The following KCTD8 variants were observed in gnomAD, a reference collection of about 807,000 sequenced individuals.
KCTD8 encodes the protein BTB/POZ domain-containing protein KCTD8.
A neutral mutation model predicts 31.5 loss-of-function variants in KCTD8; 27 were observed. The ratio of observed to expected loss-of-function variants is 0.86; its 90% CI spans 0.63 to 1.18. The LOEUF (loss-of-function observed/expected upper bound fraction) is 1.18, where lower values mean the gene tolerates loss of function less well. Ranked by LOEUF, KCTD8 falls within the 50% of genes most tolerant of loss-of-function variation. KCTD8 has a pLI of 0.00. For synonymous variants in KCTD8, 290 were observed against 280.0 expected (o/e 1.04, Z -0.36); for missense variants, 658 against 647.7 (o/e 1.02, Z -0.17).
intron 1 of KCTD8, among the ~76,000 whole-genome samples, chr4:44,291,860 C>A (rs1019709405): frequency 4.9e-5 from 7 of 144,204 alleles, no homozygotes; most frequent in African/African-American, 1.8e-4. Context: ...CAGTGGCCAA[C>A]AAATGTATGA....
In KCTD8 at chr4:44,447,634, C is replaced by T. The variant is rs921513700; in HGVS notation, c.890G>A (p.Gly297Asp). The change falls in exon 1 of 2, where the codon GGC becomes GAC. Residue 297 changes from glycine to aspartate, a missense_variant. Transcript: ENST00000360029. ...GTACTGGTTGACGAAGGCGGCGGTG[C>T]CCGAGGAGTTACACGCCACCATGTG... The part of the protein sequence containing the change: ...GFHMVACNSS[G>D]TAAFVNQYRD... 3.1e-6 allele frequency: 5 copies of T among 1,607,686 alleles called. No individual in the cohort carries two copies. The South Asian group carries it at 3.3e-5, about 11-fold the overall frequency.
At position 44,448,060 on chromosome 4, in the gene KCTD8, G is replaced by A; in HGVS notation, c.464C>T (p.Ser155Phe). Reference protein sequence around the residue: ...LLSPKVTKQNSLNDEGCQSDL... With the variant: ...LLSPKVTKQNFLNDEGCQSDL... ...GCTCTGGCAGCCCTCGTCGTTGAGA[G>A]AGTTCTGCTTGGTGACCTTGGGCGA... The change falls in exon 1 of 2, where the codon TCT becomes TTT. Residue 155 changes from serine to phenylalanine, a missense_variant. By Grantham distance (155) the Ser-to-Phe change is radical. Transcript: ENST00000360029. The surrounding 1 kb of genome is among the most constrained non-coding windows in gnomAD (Gnocchi z 4.1). 1 of 1,612,262 alleles carries A rather than the reference G, an allele frequency of 6.2e-7. No individual in the cohort carries two copies. The highest frequency in any genetic ancestry group is 8.5e-7 in the Non-Finnish European group (1 of 1,179,710).
At chr4:44,270,766 C>T (rs534187038) in intron 1 of KCTD8, among the ~76,000 whole-genome samples, 9 of 151,990 alleles carry the variant, frequency 5.9e-5, no homozygotes, top group African/African-American at 1.4e-4. Flanking sequence ...TTTAGATATA[C>T]GTTATTGATG....
At chr4:44,202,607 T>C (rs2109339841) in intron 1 of KCTD8, among the ~76,000 whole-genome samples, 1 of 151,782 alleles carries the variant, frequency 6.6e-6, no homozygotes, top group East Asian at 1.9e-4. Context: ...ATAAGAACAA[T>C]AGACACTGGA....
At chr4:44,378,547 G>C (rs926866176) in intron 1 of KCTD8, among the ~76,000 whole-genome samples, 4 of 151,954 alleles carry the variant, frequency 2.6e-5, no homozygotes, top group African/African-American at 9.7e-5. Flanking sequence ...ATCATATTAT[G>C]GTGGAATGAT....
intron 1 of KCTD8, among the ~76,000 whole-genome samples, chr4:44,289,210 T>C (rs188711010): frequency 6.6e-5 from 10 of 151,424 alleles, no homozygotes; most frequent in African/African-American, 2.2e-4. Flanking sequence ...TTATGTATTA[T>C]ATAATTGCAT....
At chr4:44,216,633 T>C (rs560574501) in intron 1 of KCTD8, among the ~76,000 whole-genome samples, 1 of 152,202 alleles carries the variant, frequency 6.6e-6, no homozygotes, top group African/African-American at 2.4e-5. Context: ...TTAAAAAAAA[T>C]GTTTTCTGTT....
intron 1 of KCTD8, among the ~76,000 whole-genome samples, chr4:44,259,369 A>G (rs1201985210): frequency 6.6e-6 from 1 of 151,944 alleles, no homozygotes; most frequent in African/African-American, 2.4e-5. Flanking sequence ...TAAACCTGCC[A>G]CACTAATACT....
At chr4:44,322,049 C>T (rs1014258965) in intron 1 of KCTD8, among the ~76,000 whole-genome samples, 4 of 151,980 alleles carry the variant, frequency 2.6e-5, no homozygotes, top group Non-Finnish European at 1.5e-5. Flanking sequence ...GTAAATAATG[C>T]TATAATAAAC....
rs555995374 is a variant in KCTD8, at chr4:44,181,976, G to A, written c.962-6726C>T. 3.0e-3 allele frequency among the ~76,000 whole-genome samples: 447 copies of A among 151,100 alleles called. 1 individual carries two copies. The highest frequency in any genetic ancestry group is 5.2e-3 in the Non-Finnish European group (350 of 67,694). On this transcript the variant is annotated intron_variant, in intron 1 of 1. Coordinates refer to ENST00000360029, the MANE Select transcript of KCTD8 (RefSeq NM_198353.3). ...GAGAAGTGAGGAGCCCCTCCGCCCG[G>A]CAGCCGCCCCATCTGAGAAGTGAGG...
At chr4:44,417,312 A>G (rs1278071892) in intron 1 of KCTD8, among the ~76,000 whole-genome samples, 1 of 152,270 alleles carries the variant, frequency 6.6e-6, no homozygotes, top group African/African-American at 2.4e-5. Flanking sequence ...CACATAAATT[A>G]GAAAAAAAGC....
intron 1 of KCTD8, among the ~76,000 whole-genome samples, chr4:44,439,235 A>G (rs11937129): frequency 7.6e-4 from 116 of 152,300 alleles, no homozygotes; most frequent in African/African-American, 2.7e-3. Context: ...TAACTGGTGA[A>G]ATCAACCAAA....
intron 1 of KCTD8, among the ~76,000 whole-genome samples, chr4:44,378,516 T>C (rs543177867): frequency 6.6e-6 from 1 of 152,164 alleles, no homozygotes; most frequent in South Asian, 2.1e-4. Flanking sequence ...GAATTATCTT[T>C]GTTAACTGAA....
At chr4:44,301,179 G>T (rs185254541) in intron 1 of KCTD8, among the ~76,000 whole-genome samples, 1 of 152,256 alleles carries the variant, frequency 6.6e-6, no homozygotes. Context: ...ATAAACATAT[G>T]TGTGCATGTG....
intron 1 of KCTD8, among the ~76,000 whole-genome samples, chr4:44,437,424 A>C (rs1438590828): frequency 6.6e-6 from 1 of 152,202 alleles, no homozygotes; most frequent in Non-Finnish European, 1.5e-5. Context: ...CTTAGTTTAT[A>C]ATATCGGTTA....
At chr4:44,419,092 A>G (rs1359608294) in intron 1 of KCTD8, among the ~76,000 whole-genome samples, 2 of 152,214 alleles carry the variant, frequency 1.3e-5, no homozygotes, top group Admixed American at 6.6e-5. Context: ...ATAATTTTGA[A>G]TATTCCAAAT....
chr4:44,201,557 G>T (rs955968924), intron 1 of KCTD8, among the ~76,000 whole-genome samples: 1 of 152,006 alleles, frequency 6.6e-6, no homozygotes, highest in East Asian at 1.9e-4. Context: ...AAGGAGAAAG[G>T]ACTCCCCATT....
intron 1 of KCTD8, among the ~76,000 whole-genome samples, chr4:44,240,525 G>A (rs181567964): frequency 1.9e-3 from 292 of 152,214 alleles, no homozygotes; most frequent in Non-Finnish European, 3.0e-3. Flanking sequence ...TATTAGGGAC[G>A]AGGTCTCGAT....
intron 1 of KCTD8, among the ~76,000 whole-genome samples, chr4:44,216,513 A>G (rs1714656157): frequency 6.6e-6 from 1 of 152,168 alleles, no homozygotes; most frequent in Non-Finnish European, 1.5e-5. Context: ...AGATATCCCA[A>G]TATTTCTGAA....
Sources: allele counts gnomAD v4.1 joint callset (sites outside exome capture counted in the v4.1 genomes callset), GRCh38; gene constraint gnomAD v4.1.1; non-coding constraint Gnocchi (gnomAD v3.1); transcripts MANE v1.5; gene names NCBI Gene and HGNC (gene_info 2026-07-23, HGNC 2026-07-21).